The following SLCO1A2 variants were observed in gnomAD, a reference collection of about 807,000 sequenced individuals.
SLCO1A2 encodes the protein OATP-1.
In SLCO1A2, 67 loss-of-function variants were observed where a neutral mutation model predicts 69.0. That is an observed-to-expected ratio of 0.97 (90% CI 0.80 to 1.19). SLCO1A2 has a LOEUF of 1.19. Ranked by LOEUF, SLCO1A2 falls within the 50% of genes most tolerant of loss-of-function variation. The probability of loss-of-function intolerance (pLI) is 0.00; values close to 1 mark genes in which losing one functional copy is unlikely to be tolerated. For missense variants in SLCO1A2, 787 were observed against 793.7 expected, an observed-to-expected ratio of 0.99 and a Z score of 0.10; for synonymous variants, 260 against 265.9, an observed-to-expected ratio of 0.98 and a Z score of 0.22.
At chr12:21,286,231 C>A in intron 12 of SLCO1A2, among the ~76,000 whole-genome samples, 1 of 137,090 alleles carries the variant, frequency 7.3e-6, no homozygotes. Flanking sequence ...AAACAGAGAG[C>A]CAAATCATGA....
chr12:21,406,313 A>G (rs958153009), intron 1 of SLCO1A2, among the ~76,000 whole-genome samples: 1 of 150,464 alleles, frequency 6.6e-6, no homozygotes, highest in Non-Finnish European at 1.5e-5. Context: ...TGATGATGAG[A>G]CTTCTTTCAC....
At chr12:21,362,452 A>G (rs191926158) in intron 2 of SLCO1A2, among the ~76,000 whole-genome samples, 25 of 152,322 alleles carry the variant, frequency 1.6e-4, no homozygotes, top group African/African-American at 5.8e-4. Context: ...AACATGCCAA[A>G]TTGTAAAGAC....
intron 12 of SLCO1A2, among the ~76,000 whole-genome samples, chr12:21,281,407 G>A (rs757154941): frequency 1.3e-4 from 19 of 151,520 alleles, no homozygotes; most frequent in East Asian, 1.9e-4. Flanking sequence ...CCAAGATCGC[G>A]CCACTGCACT....
At chr12:21,402,392 A>AAATTATAATCTTATAATTATAT (rs1941735410) in intron 1 of SLCO1A2, among the ~76,000 whole-genome samples, 1 of 152,132 alleles carries the variant, frequency 6.6e-6, no homozygotes, top group Admixed American at 6.6e-5. Context: ...AAATAGACAA[A>AAATTATAATCTTATAATTATAT]AATTATTATA....
intron 4 of SLCO1A2, among the ~76,000 whole-genome samples, chr12:21,310,674 C>T (rs1034471350): frequency 1.3e-5 from 2 of 152,202 alleles, no homozygotes; most frequent in Admixed American, 6.5e-5. Context: ...ACGATCTCGG[C>T]GCACTGCAAG....
chr12:21,365,320 G>C (rs890513319), intron 2 of SLCO1A2, among the ~76,000 whole-genome samples: 1 of 152,124 alleles, frequency 6.6e-6, no homozygotes, highest in African/African-American at 2.4e-5. Flanking sequence ...TTAATAAACG[G>C]TGCTGGGAAA....
chr12:21,284,589 T>G (rs1945414687), intron 12 of SLCO1A2, among the ~76,000 whole-genome samples: 1 of 149,274 alleles, frequency 6.7e-6, no homozygotes, highest in South Asian at 2.1e-4. Flanking sequence ...ATTCCAAAAT[T>G]GACCACATAC....
intron 2 of SLCO1A2, chr12:21,372,801 A>G (rs1939896242): frequency 6.3e-6 from 1 of 159,304 alleles, no homozygotes; most frequent in South Asian, 1.9e-4. Context: ...CTTTCTATCT[A>G]TAGGGATGGA....
intron 2 of SLCO1A2, among the ~76,000 whole-genome samples, chr12:21,344,330 G>C (rs1046246922): frequency 6.6e-6 from 1 of 152,030 alleles, no homozygotes; most frequent in Non-Finnish European, 1.5e-5. Flanking sequence ...CTATGTTTCT[G>C]ATACTCGGCT....
intron 2 of SLCO1A2, among the ~76,000 whole-genome samples, chr12:21,365,087 A>C (rs1008818067): frequency 3.0e-4 from 46 of 152,224 alleles, no homozygotes; most frequent in Non-Finnish European, 4.1e-4. Context: ...TCTCATTGCC[A>C]ATACGATCCT....
chr12:21,344,195 CTA>C (rs1953176305), intron 2 of SLCO1A2, among the ~76,000 whole-genome samples: 1 of 152,038 alleles, frequency 6.6e-6, no homozygotes, highest in Non-Finnish European at 1.5e-5. Context: ...TATTAAAAAA[CTA>C]TATTTCCTGC....
At chr12:21,371,139 G>A (rs1159345259) in intron 2 of SLCO1A2, among the ~76,000 whole-genome samples, 1 of 152,174 alleles carries the variant, frequency 6.6e-6, no homozygotes, top group Non-Finnish European at 1.5e-5. Flanking sequence ...GGAAGTGGTA[G>A]TAATTTTTGG....
intron 2 of SLCO1A2, among the ~76,000 whole-genome samples, chr12:21,326,698 A>T (rs1184916655): frequency 1.3e-5 from 2 of 152,224 alleles, no homozygotes; most frequent in Non-Finnish European, 2.9e-5. Context: ...TTTGAACTTA[A>T]GAGACATAAT....
upstream of SLCO1A2, among the ~76,000 whole-genome samples, chr12:21,396,804 T>C (rs1052425866): frequency 7.2e-5 from 11 of 151,976 alleles, no homozygotes; most frequent in African/African-American, 2.7e-4. Context: ...ATAAAATACT[T>C]TACAGACAAA....
intron 2 of SLCO1A2, chr12:21,372,920 G>A (rs897850576): frequency 4.8e-6 from 1 of 206,616 alleles, no homozygotes; most frequent in Non-Finnish European, 9.7e-6. Context: ...AAATATTCCA[G>A]TGGATACAAG....
At chr12:21,271,963 A>C (rs1422013150) in intron 14 of SLCO1A2, among the ~76,000 whole-genome samples, 2 of 151,162 alleles carry the variant, frequency 1.3e-5, no homozygotes, top group Non-Finnish European at 1.5e-5. Context: ...AAGTTTTCTT[A>C]TTCAGTGCTT....
intron 10 of SLCO1A2, chr12:21,294,983 T>C (rs1192261365): frequency 6.6e-6 from 1 of 152,142 alleles, no homozygotes; most frequent in African/African-American, 2.4e-5. Context: ...AACTGATAGC[T>C]TGATTGTCAA....
At chr12:21,312,042 A>AGAAGAGGAGGAGAAGAAGAAGAG (rs1950265091) in intron 4 of SLCO1A2, among the ~76,000 whole-genome samples, 1 of 115,230 alleles carries the variant, frequency 8.7e-6, no homozygotes, top group Non-Finnish European at 2.0e-5. Flanking sequence ...AAGAAGAGGA[A>AGAAGAGGAGGAGAAGAAGAAGAG]GAAGAAGAGG....
chr12:21,388,594 A>G (rs2137146334), intron 1 of SLCO1A2, among the ~76,000 whole-genome samples: 1 of 152,186 alleles, frequency 6.6e-6, no homozygotes, highest in South Asian at 2.1e-4. Context: ...ATCTCTCTTT[A>G]TTTATAAATT....
Sources: gnomAD v4.1 joint callset for allele counts (sites outside exome capture counted in the v4.1 genomes callset) on GRCh38, gnomAD v4.1.1 for gene constraint, MANE v1.5 for transcripts, NCBI Gene and HGNC (gene_info 2026-07-23, HGNC 2026-07-21) for gene names.